Variants in PCSK2 observed in about 807,000 individuals in gnomAD.
PCSK2 encodes neuroendocrine convertase 2.
PCSK2 carries 14 observed loss-of-function variants against 69.7 expected under a neutral mutation model. The ratio of observed to expected loss-of-function variants is 0.20; its 90% confidence interval spans 0.13 to 0.31. The LOEUF (loss-of-function observed/expected upper bound fraction) is 0.31, where lower values mean the gene tolerates loss of function less well. Among genes scored for constraint, PCSK2 ranks in the 10% least tolerant of loss-of-function variants. The pLI, the probability that PCSK2 is intolerant of heterozygous loss-of-function variation, is 1.00. For missense variants in PCSK2, 544 were observed against 842.5 expected, an observed-to-expected ratio of 0.65 and a Z score of 4.39; for synonymous variants, 307 against 320.7, an observed-to-expected ratio of 0.96 and a Z score of 0.46.
intron 1 of PCSK2, among the ~76,000 whole-genome samples, chr20:17,254,041 G>A (rs1041823625): frequency 6.6e-6 from 1 of 152,046 alleles, no homozygotes; most frequent in Non-Finnish European, 1.5e-5. Flanking sequence ...CCTCTAATTT[G>A]CACATTTTTA....
At chr20:17,398,984 T>G (rs2031576473) in intron 5 of PCSK2, among the ~76,000 whole-genome samples, 1 of 152,168 alleles carries the variant, frequency 6.6e-6, no homozygotes, top group South Asian at 2.1e-4. Context: ...CATCTTCCTC[T>G]GCAACAGCAA....
At chr20:17,260,419 T>C in intron 2 of PCSK2, 75 bp downstream of exon 2, 1 of 994,558 alleles carries the variant, frequency 1.0e-6, no homozygotes, top group Non-Finnish European at 1.6e-6. Context: ...GTGGAGGGGC[T>C]GGCAGGGAAT....
intron 5 of PCSK2, among the ~76,000 whole-genome samples, chr20:17,371,712 G>C (rs998229501): frequency 6.6e-6 from 1 of 151,864 alleles, no homozygotes; most frequent in African/African-American, 2.4e-5. Context: ...CCTTCTGCTT[G>C]ATGTGCCATA....
At chr20:17,314,475 A>G (rs1989617151) in intron 2 of PCSK2, among the ~76,000 whole-genome samples, 1 of 152,230 alleles carries the variant, frequency 6.6e-6, no homozygotes, top group Admixed American at 6.5e-5. Context: ...ATTGTGAGCT[A>G]ACAGGGTATG....
chr20:17,345,499 A>G (rs554329283), intron 2 of PCSK2, among the ~76,000 whole-genome samples: 20 of 152,266 alleles, frequency 1.3e-4, no homozygotes, highest in African/African-American at 4.6e-4. Flanking sequence ...CAATTACTCA[A>G]CTCTACGGCT....
chr20:17,396,783 A>T (rs555133214), intron 5 of PCSK2, among the ~76,000 whole-genome samples: 1 of 152,226 alleles, frequency 6.6e-6, no homozygotes, highest in Non-Finnish European at 1.5e-5. Flanking sequence ...TGCCTGGTTA[A>T]TATTTTTTAT....
intron 2 of PCSK2, among the ~76,000 whole-genome samples, chr20:17,299,588 C>T (rs547285462): frequency 2.0e-4 from 30 of 151,916 alleles, no homozygotes; most frequent in East Asian, 9.7e-4. Flanking sequence ...TTCCAAATAC[C>T]GGAAGAATTA....
At chr20:17,282,654 G>C (rs535621577) in intron 2 of PCSK2, among the ~76,000 whole-genome samples, 2 of 146,166 alleles carry the variant, frequency 1.4e-5, no homozygotes, top group East Asian at 3.9e-4. Flanking sequence ...TTAAAGGAAA[G>C]AGATTTTTTT....
chr20:17,384,216 A>C lies in PCSK2; in HGVS notation c.543+14939A>C, dbSNP rs183343496. Among the ~76,000 whole-genome samples the C allele has an allele frequency of 5.3e-5, 8 of 152,292 alleles. No individual in the cohort carries two copies. In the East Asian group the frequency reaches 1.5e-3, roughly 29 times the overall value. On this transcript the variant is annotated intron_variant, in intron 5 of 11. Transcript: ENST00000262545. The stretch of plus-strand genomic sequence containing the variant: ...AGGACAAATGGCAATGATACATCTT[A>C]GAATCCAGTAATCTATTCTTTGGGT...
intron 9 of PCSK2, among the ~76,000 whole-genome samples, chr20:17,455,570 T>C (rs953010490): frequency 4.6e-5 from 7 of 152,226 alleles, no homozygotes; most frequent in Non-Finnish European, 8.8e-5. Context: ...TAGCTGAGCA[T>C]GTTGATTCTT....
intron 4 of PCSK2, among the ~76,000 whole-genome samples, chr20:17,363,932 C>A (rs1465496028): frequency 2.0e-5 from 3 of 152,108 alleles, no homozygotes; most frequent in East Asian, 3.9e-4. Flanking sequence ...TAATTCTAAC[C>A]ACCATTCTTG....
intron 2 of PCSK2, among the ~76,000 whole-genome samples, chr20:17,283,505 C>A (rs1988396518): frequency 6.6e-6 from 1 of 152,138 alleles, no homozygotes; most frequent in East Asian, 1.9e-4. Flanking sequence ...ATTTGATGAG[C>A]ACACATAGAG....
intron 1 of PCSK2, among the ~76,000 whole-genome samples, chr20:17,252,960 T>G (rs1291447351): frequency 1.3e-5 from 2 of 152,238 alleles, no homozygotes; most frequent in African/African-American, 4.8e-5. Flanking sequence ...TTAATAAATG[T>G]CAATCCAGTG....
At chr20:17,331,206 T>G (rs1346503523) in intron 2 of PCSK2, among the ~76,000 whole-genome samples, 1 of 152,210 alleles carries the variant, frequency 6.6e-6, no homozygotes, top group East Asian at 1.9e-4. Flanking sequence ...GCCCACTCCT[T>G]GTGGGCTGTG....
At chr20:17,275,246 G>A (rs982016911) in intron 2 of PCSK2, among the ~76,000 whole-genome samples, 3 of 151,880 alleles carry the variant, frequency 2.0e-5, no homozygotes, top group African/African-American at 7.3e-5. Context: ...ATAAACTTTG[G>A]CATGAAACAG....
intron 5 of PCSK2, among the ~76,000 whole-genome samples, chr20:17,390,018 G>A (rs1020506648): frequency 6.6e-6 from 1 of 152,204 alleles, no homozygotes; most frequent in Non-Finnish European, 1.5e-5. Context: ...GTCAACAAGT[G>A]AATGGATAAA....
intron 2 of PCSK2, among the ~76,000 whole-genome samples, chr20:17,298,868 T>A (rs1988984588): frequency 6.6e-6 from 1 of 152,162 alleles, no homozygotes; most frequent in South Asian, 2.1e-4. Flanking sequence ...GTAGATGTTT[T>A]CCCTCATATA....
At chr20:17,475,532 CTG>C (rs2033276254) in intron 11 of PCSK2, among the ~76,000 whole-genome samples, 2 of 152,104 alleles carry the variant, frequency 1.3e-5, no homozygotes, top group East Asian at 3.9e-4. Flanking sequence ...GTATGGTGGG[CTG>C]TGGTCTTATT....
At chr20:17,473,797 T>C (rs968994857) in intron 11 of PCSK2, among the ~76,000 whole-genome samples, 2 of 152,196 alleles carry the variant, frequency 1.3e-5, no homozygotes, top group Non-Finnish European at 2.9e-5. Context: ...TCGCTGCCTC[T>C]GGAATTCACA....
Sources: allele counts gnomAD v4.1 joint callset (sites outside exome capture counted in the v4.1 genomes callset), GRCh38; gene constraint gnomAD v4.1.1; transcripts MANE v1.5; gene names NCBI Gene and HGNC (gene_info 2026-07-23, HGNC 2026-07-21).